The following MAPK10 variants were observed in gnomAD, a reference collection of about 807,000 sequenced individuals.
MAPK10 encodes mitogen-activated protein kinase 10, also known as JNK3 alpha protein kinase.
A neutral mutation model predicts 59.3 loss-of-function variants in MAPK10; 25 were observed. That is an observed-to-expected ratio of 0.42 (90% CI 0.31 to 0.59). The LOEUF (loss-of-function observed/expected upper bound fraction) is 0.59, where lower values mean the gene tolerates loss of function less well. MAPK10 is among the 20% of genes least tolerant of loss of function. The pLI, the probability that MAPK10 is intolerant of heterozygous loss-of-function variation, is 0.15. For synonymous variants in MAPK10, 190 were observed against 200.5 expected (o/e 0.95, Z 0.44); for missense variants, 351 against 568.9 (o/e 0.62, Z 3.90).
intron 2 of MAPK10, among the ~76,000 whole-genome samples, chr4:86,335,474 TA>T (rs1233723275): frequency 6.6e-6 from 1 of 152,238 alleles, no homozygotes. Flanking sequence ...AATGGCGGAC[TA>T]AAAATACGGT....
At chr4:86,100,367 T>G (rs1027975141) in intron 8 of MAPK10, 2 of 152,166 alleles carry the variant, frequency 1.3e-5, no homozygotes, top group African/African-American at 4.8e-5. Context: ...ATTTTTAAGA[T>G]TCCTTCCATA....
chr4:86,234,180 C>T (rs905660625), intron 2 of MAPK10, among the ~76,000 whole-genome samples: 1 of 151,884 alleles, frequency 6.6e-6, no homozygotes, highest in Non-Finnish European at 1.5e-5. Context: ...ATGCAAGACA[C>T]AACAATAACA....
chr4:86,350,224 T>C (rs896429494), intron 2 of MAPK10, among the ~76,000 whole-genome samples: 2 of 151,794 alleles, frequency 1.3e-5, no homozygotes, highest in Non-Finnish European at 2.9e-5. Flanking sequence ...GATAATTTTT[T>C]TTTTTTTTGA....
chr4:86,010,878 T>C lies in MAPK10; in HGVS notation c.*6350A>G, dbSNP rs1741381048. ...ACCTGCTTTTGAGTTGCAAATGATC[T>C]GGACTGTTGGTTAAACATCGCAGAC... On this transcript the variant is annotated 3_prime_UTR_variant, in exon 14 of 14. Transcript: ENST00000641462. 1 of 152,232 alleles carries C rather than the reference T, an allele frequency of 6.6e-6. No individual in the cohort carries two copies. The highest frequency in any genetic ancestry group is 2.1e-4 in the South Asian group (1 of 4,838). The allele number at this position is 152,232 out of a possible 1,614,324, so 9.4% of individuals were successfully genotyped here. A position where few individuals can be genotyped will look rare whatever the true frequency, so the allele number is the denominator to read the frequency against.
intron 2 of MAPK10, among the ~76,000 whole-genome samples, chr4:86,250,389 A>G (rs529138293): frequency 9.9e-5 from 15 of 152,160 alleles, no homozygotes; most frequent in Non-Finnish European, 2.2e-4. Flanking sequence ...ACTCTATTCT[A>G]TTTTAAACAA....
chr4:86,479,387 C>T (rs1026630784), intron 1 of MAPK10, among the ~76,000 whole-genome samples: 3 of 151,944 alleles, frequency 2.0e-5, no homozygotes, highest in Admixed American at 2.0e-4. Flanking sequence ...CAAGGTACAG[C>T]CCATTTGAGC....
intron 1 of MAPK10, among the ~76,000 whole-genome samples, chr4:86,476,280 C>T (rs933160380): frequency 6.6e-6 from 1 of 152,122 alleles, no homozygotes; most frequent in African/African-American, 2.4e-5. Context: ...TGCTCCCCCA[C>T]CCTATAATCC....
At chr4:86,367,403 G>A (rs1314908207) in intron 1 of MAPK10, among the ~76,000 whole-genome samples, 1 of 152,026 alleles carries the variant, frequency 6.6e-6, no homozygotes, top group Non-Finnish European at 1.5e-5. Context: ...TCTACTTGGG[G>A]AACAGTGGCT....
intron 1 of MAPK10, among the ~76,000 whole-genome samples, chr4:86,398,226 CAAAA>C (rs61450319): frequency 7.0e-6 from 1 of 142,618 alleles, no homozygotes; most frequent in Non-Finnish European, 1.5e-5. Flanking sequence ...AACAAACAAA[CAAAA>C]AAAAAAAGAA....
At chr4:86,507,613 GAGATAT>G in intron 1 of MAPK10, among the ~76,000 whole-genome samples, 1 of 37,490 alleles carries the variant, frequency 2.7e-5, no homozygotes, top group Admixed American at 4.2e-4. Flanking sequence ...GAATAAACTG[GAGATAT>G]ATATATATAT....
intron 2 of MAPK10, among the ~76,000 whole-genome samples, chr4:86,212,619 A>T (rs1277842656): frequency 1.3e-5 from 2 of 152,232 alleles, no homozygotes; most frequent in Non-Finnish European, 1.5e-5. Context: ...AATCAAAAAA[A>T]GTTTACAAGA....
At chr4:86,437,745 C>T (rs1748938429) in intron 1 of MAPK10, among the ~76,000 whole-genome samples, 1 of 152,034 alleles carries the variant, frequency 6.6e-6, no homozygotes, top group African/African-American at 2.4e-5. Flanking sequence ...TAGTGATATA[C>T]CAAATAGGAA....
chr4:86,495,932 G>A (rs1368747546), intron 1 of MAPK10, among the ~76,000 whole-genome samples: 1 of 152,040 alleles, frequency 6.6e-6, no homozygotes. Context: ...AAAACTATAA[G>A]AATAATCTCA....
chr4:86,196,721 C>G (rs930816379), intron 2 of MAPK10, among the ~76,000 whole-genome samples: 3 of 152,064 alleles, frequency 2.0e-5, no homozygotes, highest in African/African-American at 7.2e-5. Context: ...TAATCCATCT[C>G]GAGCTAATTT....
chr4:86,184,382 T>A (rs1366913677), intron 3 of MAPK10, among the ~76,000 whole-genome samples: 1 of 152,108 alleles, frequency 6.6e-6, no homozygotes, highest in East Asian at 1.9e-4. Context: ...GGCCCAGATA[T>A]TTAACCTAAA....
chr4:86,304,645 G>C (rs552103781), intron 2 of MAPK10, among the ~76,000 whole-genome samples: 232 of 152,120 alleles, frequency 1.5e-3, no homozygotes, highest in Middle Eastern at 3.4e-3. Context: ...GCCCGCCTCG[G>C]CCTCCCAAAG....
upstream of MAPK10, among the ~76,000 whole-genome samples, chr4:86,363,052 A>T (rs952821047): frequency 3.9e-5 from 6 of 152,134 alleles, no homozygotes; most frequent in Non-Finnish European, 5.9e-5. Context: ...AAATATATCA[A>T]CTAGACAGCA....
intron 2 of MAPK10, among the ~76,000 whole-genome samples, chr4:86,207,700 G>C (rs1190655155): frequency 6.6e-6 from 1 of 152,018 alleles, no homozygotes; most frequent in Non-Finnish European, 1.5e-5. Context: ...TCTTCCATTT[G>C]TTTGTATCCT....
intron 2 of MAPK10, among the ~76,000 whole-genome samples, chr4:86,282,936 G>T (rs992383169): frequency 1.3e-5 from 2 of 152,158 alleles, no homozygotes; most frequent in Non-Finnish European, 2.9e-5. Flanking sequence ...CAATGAACAT[G>T]CATGTAATAG....
Sources: allele counts gnomAD v4.1 joint callset (sites outside exome capture counted in the v4.1 genomes callset), GRCh38; gene constraint gnomAD v4.1.1; transcripts MANE v1.5; gene names NCBI Gene and HGNC (gene_info 2026-07-23, HGNC 2026-07-21).